The following CNTNAP2 variants were observed in gnomAD, a reference collection of about 807,000 sequenced individuals.
CNTNAP2 encodes contactin-associated protein-like 2.
Under a neutral mutation model 155.2 loss-of-function variants are expected in CNTNAP2, and 98 were observed. That is an observed-to-expected ratio of 0.63 (90% confidence interval 0.54 to 0.75). The LOEUF is 0.75. Among genes scored for constraint, CNTNAP2 ranks in the 30% least tolerant of loss-of-function variants. The pLI is 0.00. For synonymous variants in CNTNAP2, 651 were observed against 631.2 expected (o/e 1.03, Z -0.47); for missense variants, 1,727 against 1,688.1 (o/e 1.02, Z -0.40).
intron 15 of CNTNAP2, among the ~76,000 whole-genome samples, chr7:148,020,202 G>T (rs948958492): frequency 1.3e-5 from 2 of 152,196 alleles, no homozygotes; most frequent in African/African-American, 4.8e-5. Context: ...TTCTATACTG[G>T]ATTACACACC....
At chr7:147,191,271 C>T (rs1802676326) in intron 8 of CNTNAP2, among the ~76,000 whole-genome samples, 2 of 152,106 alleles carry the variant, frequency 1.3e-5, no homozygotes, top group Non-Finnish European at 1.5e-5. Context: ...TATATTTTCA[C>T]AGGAGCCTAA....
At chr7:146,962,660 C>T (rs1020105746) in intron 3 of CNTNAP2, among the ~76,000 whole-genome samples, 15 of 152,192 alleles carry the variant, frequency 9.9e-5, no homozygotes, top group Admixed American at 3.3e-4. Flanking sequence ...AAGCGATTCT[C>T]CTTCCTCAGA....
In CNTNAP2 at chr7:146,904,683, G is replaced by C. The variant is rs561700299; in HGVS notation, c.402+64779G>C. The stretch of plus-strand genomic sequence containing the variant: ...AGACGGGGTTTCACTGTATTAGCCA[G>C]GATGGTCTCGATCTCCTGACCTCGT... On this transcript the variant is annotated intron_variant, in intron 3 of 23. Transcript: ENST00000361727. Among the ~76,000 whole-genome samples the C allele has an allele frequency of 2.0e-5, 3 of 152,220 alleles. No individual in the cohort carries two copies. In the South Asian group the frequency reaches 6.2e-4, roughly 32 times the overall value.
At chr7:147,705,563 C>A (rs550278833) in intron 13 of CNTNAP2, among the ~76,000 whole-genome samples, 6 of 152,212 alleles carry the variant, frequency 3.9e-5, no homozygotes, top group African/African-American at 1.4e-4. Flanking sequence ...TCTGTTAGGT[C>A]CATTTGGTCA....
chr7:147,661,802 C>G (rs28698951), intron 13 of CNTNAP2, among the ~76,000 whole-genome samples: 1 of 152,070 alleles, frequency 6.6e-6, no homozygotes, highest in Non-Finnish European at 1.5e-5. Context: ...CTGCCCACCT[C>G]GGCCTCCCAA....
rs961070121 is a variant in CNTNAP2, at chr7:147,765,247, G to T, written c.2098+125941G>T. Among the ~76,000 whole-genome samples, 5 of 152,260 alleles carry T rather than the reference G, an allele frequency of 3.3e-5. No individual in the cohort carries two copies. In the East Asian group the frequency reaches 9.7e-4, roughly 29 times the overall value. ...AGTGCCATTCATTTCTGAAGAGCTT[G>T]CAGAGTATAAGCTCCATGAGAGAGT... is the stretch of plus-strand genomic sequence containing the variant. On this transcript the variant is annotated intron_variant, in intron 13 of 23. Coordinates refer to ENST00000361727, the MANE Select transcript of CNTNAP2 (RefSeq NM_014141.6).
At chr7:146,293,986 C>T (rs763354036) in intron 1 of CNTNAP2, among the ~76,000 whole-genome samples, 7 of 151,994 alleles carry the variant, frequency 4.6e-5, no homozygotes, top group Non-Finnish European at 8.8e-5. Context: ...AGGAGGAGCA[C>T]TGATGGCAGT....
chr7:148,239,359 A>T (rs1796103136), intron 20 of CNTNAP2, among the ~76,000 whole-genome samples: 1 of 152,238 alleles, frequency 6.6e-6, no homozygotes, highest in African/African-American at 2.4e-5. Flanking sequence ...TTCTGATAGT[A>T]TTACAATGGT....
At chr7:147,812,151 G>A (rs1209150110) in intron 13 of CNTNAP2, among the ~76,000 whole-genome samples, 1 of 152,190 alleles carries the variant, frequency 6.6e-6, no homozygotes, top group South Asian at 2.1e-4. Flanking sequence ...GACTATGTGG[G>A]GGAAGAACAT....
chr7:146,122,355 C>A (rs906877060), intron 1 of CNTNAP2, among the ~76,000 whole-genome samples: 3 of 152,070 alleles, frequency 2.0e-5, no homozygotes, highest in Admixed American at 2.0e-4. Flanking sequence ...TTAATGAATC[C>A]CACTGTATCA....
intron 1 of CNTNAP2, among the ~76,000 whole-genome samples, chr7:146,369,133 A>T (rs1795197980): frequency 6.7e-6 from 1 of 148,654 alleles, no homozygotes; most frequent in East Asian, 2.0e-4. Flanking sequence ...CCAAATCTTC[A>T]TTTTTCTTTG....
intron 1 of CNTNAP2, among the ~76,000 whole-genome samples, chr7:146,436,636 AAC>A (rs1320005464): frequency 6.6e-6 from 1 of 152,252 alleles, no homozygotes; most frequent in Non-Finnish European, 1.5e-5. Context: ...AAGAAACAAA[AAC>A]ACAGAGATTA....
At chr7:147,719,413 G>T (rs1314759631) in intron 13 of CNTNAP2, among the ~76,000 whole-genome samples, 2 of 151,954 alleles carry the variant, frequency 1.3e-5, no homozygotes, top group East Asian at 3.9e-4. Flanking sequence ...TAATCTGGCT[G>T]GTATTTTTAT....
chr7:147,507,087 G>A (rs1798920509), intron 11 of CNTNAP2, among the ~76,000 whole-genome samples: 1 of 152,154 alleles, frequency 6.6e-6, no homozygotes, highest in Non-Finnish European at 1.5e-5. Context: ...CTCCAAAGTA[G>A]CAGCTGTGGA....
rs1305579347 is a variant in CNTNAP2 at position 148,415,829 on chromosome 7, T to TGTATCAAAACA, written c.*214_*224dup. The TGTATCAAAACA allele has an allele frequency of 1.6e-6, 1 of 616,012 alleles. No individual in the cohort carries two copies. The highest frequency in any genetic ancestry group is 2.8e-6 in the Non-Finnish European group (1 of 354,944). 38.2% of individuals were successfully genotyped at this position (616,012 alleles called of 1,614,324 possible). A position where few individuals can be genotyped will look rare whatever the true frequency, so the allele number is the denominator to read the frequency against. ...TTCTTTATAGCTGAGTTTTCCCTTC[T>TGTATCAAAACA]GTATCAAAACAAAATAATACAAAAA... On this transcript the variant is annotated 3_prime_UTR_variant, in exon 24 of 24. Transcript: ENST00000361727.
Position 146,627,211 on chromosome 7 carries a change from G to T in CNTNAP2, c.98-147060G>T, listed in dbSNP as rs1799434463. ...ACTCTCATGAGAACAGTACAGGAGA[G>T]ACCAGCCCCATAATTCAGTCACCTC... is the stretch of plus-strand genomic sequence containing the variant. On this transcript the variant is annotated intron_variant, in intron 1 of 23. Coordinates refer to ENST00000361727, the MANE Select transcript of CNTNAP2 (RefSeq NM_014141.6). Among the ~76,000 whole-genome samples, 8 of 152,032 alleles carry T rather than the reference G, an allele frequency of 5.3e-5. No individual in the cohort carries two copies. In the South Asian group the frequency reaches 1.7e-3, roughly 32 times the overall value.
chr7:147,777,704 A>G (rs1797606617), intron 13 of CNTNAP2, among the ~76,000 whole-genome samples: 1 of 152,210 alleles, frequency 6.6e-6, no homozygotes, highest in Non-Finnish European at 1.5e-5. Context: ...TAATGTTTGT[A>G]TTATAAGGGC....
intron 4 of CNTNAP2, among the ~76,000 whole-genome samples, chr7:147,085,382 A>G (rs1800253180): frequency 6.6e-6 from 1 of 152,064 alleles, no homozygotes; most frequent in Non-Finnish European, 1.5e-5. Flanking sequence ...CTCCTGTCAG[A>G]TGAGTGCCCG....
intron 3 of CNTNAP2, among the ~76,000 whole-genome samples, chr7:146,878,875 C>G (rs1795482950): frequency 6.6e-6 from 1 of 152,192 alleles, no homozygotes; most frequent in South Asian, 2.1e-4. Context: ...TTCAAGAACT[C>G]CTAGTATCTC....
Sources: gnomAD v4.1 joint callset for allele counts (sites outside exome capture counted in the v4.1 genomes callset) on GRCh38, gnomAD v4.1.1 for gene constraint, MANE v1.5 for transcripts, NCBI Gene and HGNC (gene_info 2026-07-23, HGNC 2026-07-21) for gene names.